SH3RF3: variants seen among roughly 807,000 people sequenced by gnomAD.
SH3RF3 encodes the protein SH3 domain containing ring finger 3, also known as E3 ubiquitin-protein ligase SH3RF3.
Under a neutral mutation model 66.3 loss-of-function variants are expected in SH3RF3, and 29 were observed. The observed-to-expected ratio is 0.44, with a 90% CI of 0.33 to 0.60. The LOEUF (loss-of-function observed/expected upper bound fraction) is 0.60, where lower values mean the gene tolerates loss of function less well. Among genes scored for constraint, SH3RF3 ranks in the 20% least tolerant of loss-of-function variants. The pLI is 0.04. For synonymous variants in SH3RF3, 583 were observed against 532.0 expected, an observed-to-expected ratio of 1.10 and a Z score of -1.32; for missense variants, 1,194 against 1,190.9, an observed-to-expected ratio of 1.00 and a Z score of -0.04.
Position 109,347,687 on chromosome 2 carries a change from T to C in SH3RF3, c.587T>C (p.Leu196Pro). The C allele has an allele frequency of 6.2e-7, 1 of 1,613,506 alleles. No homozygotes were observed. Among genetic ancestry groups the C allele is most frequent in the Non-Finnish European group, 8.5e-7 (1 of 1,179,566 alleles). Reference protein sequence around the residue: ...TAPAAKNPCLLPYGKALYSYE... With the variant: ...TAPAAKNPCLPPYGKALYSYE... Reference sequence around the variant, plus strand: ...TGTTGCTTGCAGAATCCCTGCCTGCTTCCCTATGGCAAGGCCCTCTACAGC... The same window carrying C: ...TGTTGCTTGCAGAATCCCTGCCTGCCTCCCTATGGCAAGGCCCTCTACAGC... The change falls in exon 2 of 10, where the codon CTT (leucine) becomes CCT (proline). Residue 196 changes from leucine to proline, a missense_variant. By Grantham distance (98) the Leu-to-Pro change is moderately conservative. Transcript: ENST00000309415.
At chr2:109,160,400 A>G (rs1044740619) in intron 1 of SH3RF3, among the ~76,000 whole-genome samples, 2 of 152,352 alleles carry the variant, frequency 1.3e-5, no homozygotes, top group South Asian at 4.1e-4. Context: ...AAAGTTGGAA[A>G]TGGAAATGAA....
chr2:109,168,049 G>C (rs553277123), intron 1 of SH3RF3, among the ~76,000 whole-genome samples: 4 of 152,246 alleles, frequency 2.6e-5, no homozygotes, highest in Admixed American at 2.6e-4. Flanking sequence ...AAGTCTCTGT[G>C]GGACTTTCAT....
At chr2:109,324,980 C>G (rs1021873174) in intron 1 of SH3RF3, among the ~76,000 whole-genome samples, 6 of 152,128 alleles carry the variant, frequency 3.9e-5, no homozygotes, top group African/African-American at 1.4e-4. Context: ...ACAGTTTTGG[C>G]AAGGAAAAGT....
intron 1 of SH3RF3, among the ~76,000 whole-genome samples, chr2:109,189,291 AT>A (rs1435462837): frequency 5.3e-5 from 8 of 150,760 alleles, no homozygotes; most frequent in Non-Finnish European, 1.2e-4. Context: ...TGGCATTCTG[AT>A]TGTCAGGCTC....
chr2:109,440,807 T>C lies in SH3RF3; in HGVS notation c.1828+3661T>C, dbSNP rs1294234093. Among the ~76,000 whole-genome samples the C allele has an allele frequency of 4.6e-5, 7 of 152,124 alleles. No homozygotes were observed. The East Asian group carries it at 1.2e-3, about 25-fold the overall frequency. On this transcript the variant is annotated intron_variant, in intron 7 of 9. Transcript: ENST00000309415. Reference sequence around the variant, plus strand: ...AGAGGCTGCAGAGCACGCCCTGAGATCTTCAGGTGACAACTCATCTGCATA... The same window carrying C: ...AGAGGCTGCAGAGCACGCCCTGAGACCTTCAGGTGACAACTCATCTGCATA...
At chr2:109,288,703 G>A (rs1681095194) in intron 1 of SH3RF3, among the ~76,000 whole-genome samples, 1 of 152,180 alleles carries the variant, frequency 6.6e-6, no homozygotes, top group African/African-American at 2.4e-5. Flanking sequence ...CTGGGAGATT[G>A]CTGGACCTGA....
chr2:109,289,023 T>C (rs991321642), intron 1 of SH3RF3, among the ~76,000 whole-genome samples: 2 of 152,226 alleles, frequency 1.3e-5, no homozygotes, highest in Non-Finnish European at 2.9e-5. Context: ...TGGCATTGTG[T>C]TGCTCACTAA....
At chr2:109,344,388 GC>G (rs1451053323) in intron 1 of SH3RF3, among the ~76,000 whole-genome samples, 2 of 152,188 alleles carry the variant, frequency 1.3e-5, no homozygotes, top group Non-Finnish European at 2.9e-5. Flanking sequence ...TGTCTGCAAA[GC>G]CCTGCATGTT....
At chr2:109,347,430 TCAGA>T (rs1343905703) in intron 1 of SH3RF3, among the ~76,000 whole-genome samples, 1 of 152,050 alleles carries the variant, frequency 6.6e-6, no homozygotes, top group African/African-American at 2.4e-5. Context: ...GTGGAAGGCC[TCAGA>T]CAGTGTCCTT....
chr2:109,257,792 C>T (rs556965134), intron 1 of SH3RF3, among the ~76,000 whole-genome samples: 12 of 152,228 alleles, frequency 7.9e-5, no homozygotes, highest in East Asian at 1.9e-4. Context: ...GTATGTTTTA[C>T]GGACAGGAGA....
intron 4 of SH3RF3, among the ~76,000 whole-genome samples, chr2:109,406,499 C>T (rs1006452222): frequency 6.6e-6 from 1 of 152,108 alleles, no homozygotes; most frequent in Non-Finnish European, 1.5e-5. Flanking sequence ...TACTATGAGT[C>T]ACCGGTAGAA....
intron 8 of SH3RF3, among the ~76,000 whole-genome samples, chr2:109,457,865 C>T (rs772022995): frequency 2.0e-5 from 3 of 152,166 alleles, no homozygotes; most frequent in Non-Finnish European, 2.9e-5. Flanking sequence ...CAGACCCAGC[C>T]GTCTGTCCCT....
At chr2:109,239,924 G>A (rs890809444) in intron 1 of SH3RF3, among the ~76,000 whole-genome samples, 1 of 152,210 alleles carries the variant, frequency 6.6e-6, no homozygotes, top group South Asian at 2.1e-4. Flanking sequence ...GCAGCCAGGC[G>A]GAGGTGACTG....
intron 1 of SH3RF3, among the ~76,000 whole-genome samples, chr2:109,214,686 C>T (rs1021662372): frequency 2.0e-5 from 3 of 152,132 alleles, no homozygotes; most frequent in African/African-American, 4.8e-5. Flanking sequence ...CTCTCTGTCC[C>T]GTGGACAGGA....
rs959181996 is a variant in SH3RF3 at position 109,173,316 on chromosome 2, G to A, written c.573+43203G>A. On this transcript the variant is annotated intron_variant, in intron 1 of 9. Transcript: ENST00000309415. ...AGCCTGCACTTGCGTTTTCTCCTCA[G>A]ACTCTCCTTCCTGTGCTCTGCCCGT... Among the ~76,000 whole-genome samples the A allele has an allele frequency of 3.9e-5, 6 of 152,268 alleles. No homozygotes were observed. In the South Asian group the frequency reaches 1.2e-3, roughly 32 times the overall value.
chr2:109,292,199 A>G (rs1681200045), intron 1 of SH3RF3, among the ~76,000 whole-genome samples: 2 of 152,336 alleles, frequency 1.3e-5, no homozygotes, highest in African/African-American at 4.8e-5. Flanking sequence ...TCTAATTAAA[A>G]GCATCATTTA....
At chr2:109,485,227 T>A (rs1157604805) in intron 8 of SH3RF3, among the ~76,000 whole-genome samples, 1 of 145,588 alleles carries the variant, frequency 6.9e-6, no homozygotes, top group Non-Finnish European at 1.5e-5. Context: ...GGGAAATCTG[T>A]TTGAAAGAAG....
chr2:109,305,266 C>T (rs1293572928), intron 1 of SH3RF3, among the ~76,000 whole-genome samples: 2 of 152,148 alleles, frequency 1.3e-5, no homozygotes, highest in Admixed American at 1.3e-4. Context: ...TTCAGTGATT[C>T]ATTCCAGACT....
chr2:109,129,991 G>T lies in SH3RF3; in HGVS notation c.451G>T (p.Gly151Cys). ...CCAGAGTGCGGCCCCCACGCTCGCG[G>T]GCGGCGGGGGCGGCGCGGCAGGCAG... ...PGQSAAPTLA[G>C]GGGGAAGSTP... The change falls in exon 1 of 10, where the codon GGC becomes TGC. Residue 151 changes from glycine to cysteine, a missense_variant. Transcript: ENST00000309415. The T allele has an allele frequency of 1.5e-6, 2 of 1,295,236 alleles. No individual in the cohort carries two copies. Among genetic ancestry groups the T allele is most frequent in the Non-Finnish European group, 1.9e-6 (2 of 1,025,960 alleles). The allele number at this position is 1,295,236 out of a possible 1,614,324, so 80.2% of individuals were successfully genotyped here. A position where few individuals can be genotyped will look rare whatever the true frequency, so the allele number is the denominator to read the frequency against.
Sources: gnomAD v4.1 joint callset for allele counts (sites outside exome capture counted in the v4.1 genomes callset) on GRCh38, gnomAD v4.1.1 for gene constraint, MANE v1.5 for transcripts, NCBI Gene and HGNC (gene_info 2026-07-23, HGNC 2026-07-21) for gene names.